PTPRD: variants seen among roughly 807,000 people sequenced by gnomAD.
PTPRD encodes protein tyrosine phosphatase receptor type D.
In PTPRD, 34 loss-of-function variants were observed where a neutral mutation model predicts 214.5. That is an observed-to-expected ratio of 0.16 (90% CI 0.12 to 0.21). PTPRD has a LOEUF of 0.21. Among genes scored for constraint, PTPRD ranks in the 10% least tolerant of loss-of-function variants. PTPRD has a pLI of 1.00. For missense variants in PTPRD, 2,545 were observed against 2,398.7 expected, an observed-to-expected ratio of 1.06 and a Z score of -1.27; for synonymous variants, 1,128 against 845.7, an observed-to-expected ratio of 1.33 and a Z score of -5.79.
chr9:9,776,035 A>C (rs539817038), intron 5 of PTPRD, among the ~76,000 whole-genome samples: 1 of 150,298 alleles, frequency 6.7e-6, no homozygotes, highest in Non-Finnish European at 1.5e-5. Flanking sequence ...CTCATCACCT[A>C]GGTTAATATA....
intron 3 of PTPRD, among the ~76,000 whole-genome samples, chr9:10,139,415 G>C (rs1382701157): frequency 1.3e-5 from 2 of 151,724 alleles, no homozygotes; most frequent in East Asian, 1.9e-4. Context: ...CATTCTCATG[G>C]ATAGAAAAAT....
chr9:9,378,148 A>G (rs912983029), intron 9 of PTPRD, among the ~76,000 whole-genome samples: 1 of 152,140 alleles, frequency 6.6e-6, no homozygotes, highest in Non-Finnish European at 1.5e-5. Context: ...GATGTATATT[A>G]CAGAGTAGTT....
At chr9:10,510,557 G>C (rs2047647881) in intron 2 of PTPRD, among the ~76,000 whole-genome samples, 1 of 151,920 alleles carries the variant, frequency 6.6e-6, no homozygotes, top group African/African-American at 2.4e-5. Flanking sequence ...TTTGCTTTTT[G>C]TGTATTTTTA....
chr9:9,966,080 CAT>C (rs2094675910), intron 4 of PTPRD, among the ~76,000 whole-genome samples: 2 of 152,198 alleles, frequency 1.3e-5, no homozygotes, highest in Admixed American at 6.5e-5. Context: ...GGTATTTACA[CAT>C]AGAGAAACTA....
intron 5 of PTPRD, among the ~76,000 whole-genome samples, chr9:9,780,496 T>C (rs1225012434): frequency 6.6e-6 from 1 of 152,202 alleles, no homozygotes; most frequent in Admixed American, 6.5e-5. Context: ...AATATGCATA[T>C]GAAAAGATGC....
rs76831766 is a variant in PTPRD at position 9,916,235 on chromosome 9, G to C, written c.-368+22272C>G. Among the ~76,000 whole-genome samples, 811 of 152,090 alleles carry C rather than the reference G, an allele frequency of 5.3e-3. 9 individuals carry two copies. The highest frequency in any genetic ancestry group is 0.019 in the African/African-American group (769 of 41,536). The stretch of plus-strand genomic sequence containing the variant: ...CTTACAAGAAATGTTCAAGAGAATT[G>C]TAGCTCTAGAAGTAAAAAGGTGGTA... On this transcript the variant is annotated intron_variant, in intron 5 of 45. Coordinates refer to ENST00000381196, the MANE Select transcript of PTPRD (RefSeq NM_002839.4).
At chr9:9,780,559 G>T (rs1253950064) in intron 5 of PTPRD, among the ~76,000 whole-genome samples, 1 of 152,074 alleles carries the variant, frequency 6.6e-6, no homozygotes, top group Non-Finnish European at 1.5e-5. Flanking sequence ...AGCAAACACA[G>T]AATAACAAGG....
intron 11 of PTPRD, among the ~76,000 whole-genome samples, chr9:8,959,080 C>T (rs999322380): frequency 6.6e-6 from 1 of 152,038 alleles, no homozygotes; most frequent in Non-Finnish European, 1.5e-5. Context: ...GACATACTTG[C>T]TTTCATATTA....
intron 4 of PTPRD, among the ~76,000 whole-genome samples, chr9:10,016,462 C>T (rs1294367092): frequency 6.6e-6 from 1 of 151,940 alleles, no homozygotes; most frequent in Non-Finnish European, 1.5e-5. Flanking sequence ...ATGATGGTGT[C>T]TGTAAATCAT....
intron 12 of PTPRD, among the ~76,000 whole-genome samples, chr9:8,722,154 TG>T (rs1715280628): frequency 1.4e-5 from 2 of 143,330 alleles, no homozygotes; most frequent in Admixed American, 1.3e-4. Context: ...TGTGTGTGTG[TG>T]TGTGTGTGTG....
At chr9:8,645,634 G>C (rs546690187) in intron 12 of PTPRD, among the ~76,000 whole-genome samples, 2 of 152,064 alleles carry the variant, frequency 1.3e-5, no homozygotes, top group South Asian at 4.2e-4. Flanking sequence ...TGACAGACAG[G>C]AACAGAAAAG....
intron 11 of PTPRD, among the ~76,000 whole-genome samples, chr9:8,834,794 A>G (rs573885039): frequency 6.6e-5 from 10 of 152,294 alleles, no homozygotes; most frequent in Admixed American, 4.6e-4. Context: ...AAACACCCCA[A>G]TGGGTTCTCC....
chr9:8,699,216 A>G (rs2098012494), intron 12 of PTPRD, among the ~76,000 whole-genome samples: 1 of 152,140 alleles, frequency 6.6e-6, no homozygotes, highest in Admixed American at 6.6e-5. Context: ...TATCAGTTCA[A>G]CTCTTTGCCT....
At chr9:9,936,968 C>T (rs2089706460) in intron 5 of PTPRD, among the ~76,000 whole-genome samples, 1 of 150,972 alleles carries the variant, frequency 6.6e-6, no homozygotes, top group South Asian at 2.1e-4. Flanking sequence ...AGTAAACTAT[C>T]ACAAGAACAA....
chr9:10,491,614 A>AT (rs1033823407), intron 2 of PTPRD, among the ~76,000 whole-genome samples: 3 of 152,126 alleles, frequency 2.0e-5, no homozygotes, highest in Non-Finnish European at 4.4e-5. Context: ...TTACAACTAG[A>AT]TAAAAAAAAA....
intron 4 of PTPRD, among the ~76,000 whole-genome samples, chr9:9,988,222 C>A (rs1459012262): frequency 6.6e-6 from 1 of 152,104 alleles, no homozygotes; most frequent in Non-Finnish European, 1.5e-5. Context: ...TAAAGCAAAA[C>A]TTTTCAAAAA....
chr9:9,039,428 G>T lies in PTPRD; in HGVS notation c.-142-20693C>A, dbSNP rs116451786. ...TAGGTGTACTCCACATACTTATCTC[G>T]ATGACTCTAATCATCGAACACAGAG... On this transcript the variant is annotated intron_variant, in intron 10 of 45. Coordinates refer to ENST00000381196, the MANE Select transcript of PTPRD (RefSeq NM_002839.4). Among the ~76,000 whole-genome samples, 498 of 152,232 alleles carry T rather than the reference G, an allele frequency of 3.3e-3. 1 individual carries two copies. The highest frequency in any genetic ancestry group is 0.011 in the African/African-American group (451 of 41,544).
intron 5 of PTPRD, among the ~76,000 whole-genome samples, chr9:9,848,564 C>A (rs1212082575): frequency 6.6e-6 from 1 of 152,022 alleles, no homozygotes; most frequent in African/African-American, 2.4e-5. Flanking sequence ...AATATGACAG[C>A]CTTTAAGTGG....
intron 9 of PTPRD, among the ~76,000 whole-genome samples, chr9:9,264,380 G>A (rs558466669): frequency 6.6e-6 from 1 of 151,672 alleles, no homozygotes; most frequent in South Asian, 2.1e-4. Context: ...AGAATACCAG[G>A]ATTGAAGTAA....
Sources: allele counts gnomAD v4.1 joint callset (sites outside exome capture counted in the v4.1 genomes callset), GRCh38; gene constraint gnomAD v4.1.1; transcripts MANE v1.5; gene names NCBI Gene and HGNC (gene_info 2026-07-23, HGNC 2026-07-21).